HCN1: variants seen among roughly 807,000 people sequenced by gnomAD.
The protein encoded by HCN1 is hyperpolarization activated cyclic nucleotide gated potassium channel 1.
In HCN1, 13 loss-of-function variants were observed where a neutral mutation model predicts 78.9. The observed-to-expected ratio is 0.16, with a 90% confidence interval of 0.11 to 0.26. The LOEUF (loss-of-function observed/expected upper bound fraction) is 0.26, where lower values mean the gene tolerates loss of function less well. Ranked by LOEUF, HCN1 falls within the 10% of genes least tolerant of loss-of-function variation. The probability of loss-of-function intolerance (pLI) is 1.00; values close to 1 mark genes in which losing one functional copy is unlikely to be tolerated. For synonymous variants in HCN1, 552 were observed against 455.5 expected, an observed-to-expected ratio of 1.21 and a Z score of -2.70; for missense variants, 810 against 1,154.3, an observed-to-expected ratio of 0.70 and a Z score of 4.32.
chr5:45,429,263 A>G (rs1229461431), intron 3 of HCN1, among the ~76,000 whole-genome samples: 1 of 152,360 alleles, frequency 6.6e-6, no homozygotes, highest in Middle Eastern at 3.4e-3. Context: ...TTAGTGGATT[A>G]AAATAACAAT....
intron 4 of HCN1, among the ~76,000 whole-genome samples, chr5:45,377,201 C>T (rs1747699849): frequency 6.6e-6 from 1 of 151,804 alleles, no homozygotes; most frequent in Admixed American, 6.6e-5. Flanking sequence ...CAGAAAACTG[C>T]TCAAACAAAA....
At position 45,350,815 on chromosome 5, in the gene HCN1, C is replaced by T. The variant is rs577758352; in HGVS notation, c.1377+2285G>A. Reference sequence around the variant, plus strand: ...ATAAAATACCTGGGAATCCAACTTACAAGGGACGTGAAGGACCTCTTCAAG... The same window carrying T: ...ATAAAATACCTGGGAATCCAACTTATAAGGGACGTGAAGGACCTCTTCAAG... On this transcript the variant is annotated intron_variant, in intron 5 of 7. Transcript: ENST00000303230. Among the ~76,000 whole-genome samples, 31 of 152,178 alleles carry T rather than the reference C, an allele frequency of 2.0e-4. No homozygotes were observed. The East Asian group carries it at 5.0e-3, about 25-fold the overall frequency.
chr5:45,497,527 C>G (rs560450373), intron 2 of HCN1, among the ~76,000 whole-genome samples: 166 of 152,092 alleles, frequency 1.1e-3, no homozygotes, highest in Non-Finnish European at 1.9e-3. Flanking sequence ...ATTGCAACCC[C>G]TGCCTTTTTT....
chr5:45,622,824 A>C (rs1745094651), intron 2 of HCN1, among the ~76,000 whole-genome samples: 1 of 152,228 alleles, frequency 6.6e-6, no homozygotes, highest in Non-Finnish European at 1.5e-5. Context: ...AAGGTTATAC[A>C]ATTAATACCT....
At chr5:45,369,926 A>C (rs1308819932) in intron 4 of HCN1, among the ~76,000 whole-genome samples, 1 of 152,070 alleles carries the variant, frequency 6.6e-6, no homozygotes, top group Non-Finnish European at 1.5e-5. Flanking sequence ...CAAGTTTTCA[A>C]GTTTGTAAAT....
At chr5:45,284,917 A>G (rs1365796140) in intron 6 of HCN1, among the ~76,000 whole-genome samples, 2 of 152,056 alleles carry the variant, frequency 1.3e-5, no homozygotes, top group African/African-American at 2.4e-5. Flanking sequence ...GTCTATTTAA[A>G]GTGGAAAAAA....
intron 5 of HCN1, among the ~76,000 whole-genome samples, chr5:45,339,402 T>C (rs948433037): frequency 6.6e-6 from 1 of 152,230 alleles, no homozygotes; most frequent in African/African-American, 2.4e-5. Context: ...GGAATGAAGA[T>C]ACGGTAGCAT....
At chr5:45,443,149 C>G (rs1384484424) in intron 3 of HCN1, among the ~76,000 whole-genome samples, 1 of 151,788 alleles carries the variant, frequency 6.6e-6, no homozygotes, top group Non-Finnish European at 1.5e-5. Context: ...TTTTTGATAA[C>G]CAGGAGTTTT....
chr5:45,537,259 A>T lies in HCN1; in HGVS notation c.850-75252T>A, dbSNP rs113232006. On this transcript the variant is annotated intron_variant, in intron 2 of 7. Coordinates refer to ENST00000303230, the MANE Select transcript of HCN1 (RefSeq NM_021072.4). ...CTAACCTCAACTGCCCTCAATTTTT[A>T]AAAAAAATATTTCTTTCAGTTTATA... 2.0e-3 allele frequency among the ~76,000 whole-genome samples: 299 copies of T among 152,026 alleles called. 2 individuals carry two copies. The highest frequency in any genetic ancestry group is 5.1e-3 in the African/African-American group (213 of 41,482).
chr5:45,459,988 A>G (rs148232427), intron 3 of HCN1, among the ~76,000 whole-genome samples: 2 of 152,284 alleles, frequency 1.3e-5, no homozygotes, highest in African/African-American at 4.8e-5. Flanking sequence ...AAATGAGCCA[A>G]CCAAACTACT....
At chr5:45,646,593 T>C (rs1226274307) in intron 1 of HCN1, among the ~76,000 whole-genome samples, 2 of 152,014 alleles carry the variant, frequency 1.3e-5, no homozygotes, top group African/African-American at 4.8e-5. Flanking sequence ...GACTACTAAG[T>C]ACCTTTTGAA....
intron 5 of HCN1, among the ~76,000 whole-genome samples, chr5:45,314,612 A>C (rs915101411): frequency 6.6e-6 from 1 of 152,126 alleles, no homozygotes; most frequent in Admixed American, 6.5e-5. Context: ...TATATTCAGG[A>C]CCCATTAATG....
In HCN1 at chr5:45,262,026, G is replaced by T. The variant is rs781250348; in HGVS notation, c.2568C>A (p.Val856=). ...CTGCTGGTGGAGGGGGTGCTGGAGG[G>T]ACTCCTCGGTTCGGGGGGATGGCTC... ...SSGAIPPNRG[V]PPAPPPPAAA... Residue 856 remains valine, a synonymous_variant, in exon 8 of 8, where the codon GTC becomes GTA. Coordinates refer to ENST00000303230, the MANE Select transcript of HCN1 (RefSeq NM_021072.4). 6.2e-7 allele frequency: 1 copy of T among 1,614,054 alleles called. No individual in the cohort carries two copies.
intron 2 of HCN1, among the ~76,000 whole-genome samples, chr5:45,568,817 C>T (rs1031821362): frequency 6.6e-6 from 1 of 152,020 alleles, no homozygotes; most frequent in African/African-American, 2.4e-5. Context: ...GAAAACAATA[C>T]ATCAAAATAT....
chr5:45,374,045 ATT>A (rs1491422612), intron 4 of HCN1, among the ~76,000 whole-genome samples: 3 of 94,144 alleles, frequency 3.2e-5, no homozygotes, highest in Non-Finnish European at 6.0e-5. Context: ...CATAATATAT[ATT>A]ATATATATTA....
At chr5:45,579,699 G>A (rs1286297441) in intron 2 of HCN1, among the ~76,000 whole-genome samples, 1 of 152,054 alleles carries the variant, frequency 6.6e-6, no homozygotes, top group Non-Finnish European at 1.5e-5. Context: ...ATAGTTTGGA[G>A]GAAGGGAAGG....
At chr5:45,555,849 T>C (rs1561199677) in intron 2 of HCN1, among the ~76,000 whole-genome samples, 3 of 151,804 alleles carry the variant, frequency 2.0e-5, no homozygotes, top group South Asian at 2.1e-4. Flanking sequence ...GGTACTAGCA[T>C]AAAAGCAGAG....
intron 4 of HCN1, among the ~76,000 whole-genome samples, chr5:45,395,478 C>T (rs1483911051): frequency 6.6e-6 from 1 of 152,074 alleles, no homozygotes; most frequent in Admixed American, 6.6e-5. Flanking sequence ...TAGCTAGTGG[C>T]AGTATAATTA....
intron 2 of HCN1, among the ~76,000 whole-genome samples, chr5:45,546,501 C>T (rs1390433148): frequency 6.6e-6 from 1 of 152,008 alleles, no homozygotes; most frequent in African/African-American, 2.4e-5. Flanking sequence ...GCTCCTAAAA[C>T]TTATCTGTCT....
Sources: gnomAD v4.1 joint callset for allele counts (sites outside exome capture counted in the v4.1 genomes callset) on GRCh38, gnomAD v4.1.1 for gene constraint, MANE v1.5 for transcripts, NCBI Gene and HGNC (gene_info 2026-07-23, HGNC 2026-07-21) for gene names.